AKR1C3: variants seen among roughly 807,000 people sequenced by gnomAD.
The protein encoded by AKR1C3 is aldo-keto reductase family 1 member C3, also known as 3-alpha hydroxysteroid dehydrogenase, type II.
AKR1C3 carries 48 observed loss-of-function variants against 43.6 expected under a neutral mutation model. The ratio of observed to expected loss-of-function variants is 1.10; its 90% CI spans 0.87 to 1.40. AKR1C3 has a LOEUF of 1.40. Ranked by LOEUF, AKR1C3 falls within the 40% of genes most tolerant of loss-of-function variation. The probability of loss-of-function intolerance (pLI) is 0.00; values close to 1 mark genes in which losing one functional copy is unlikely to be tolerated. For missense variants in AKR1C3, 482 were observed against 391.2 expected, an observed-to-expected ratio of 1.23 and a Z score of -1.96; for synonymous variants, 162 against 139.6, an observed-to-expected ratio of 1.16 and a Z score of -1.13.
At chr10:5,094,338 C>A, upstream of AKR1C3, 1 of 1,311,236 alleles carries the variant, frequency 7.6e-7, no homozygotes, top group Non-Finnish European at 1.0e-6. Context: ...ATTGGTTAAC[C>A]ATCAGTCAGT....
chr10:5,059,903 C>T (rs1479956809), intron 1 of AKR1C3, among the ~76,000 whole-genome samples: 5 of 152,006 alleles, frequency 3.3e-5, no homozygotes, highest in African/African-American at 4.8e-5. Context: ...CGCGGACCCT[C>T]GCAGTGAGTG....
chr10:5,065,427 C>T (rs1278288541), intron 1 of AKR1C3, among the ~76,000 whole-genome samples: 1 of 152,100 alleles, frequency 6.6e-6, no homozygotes, highest in Non-Finnish European at 1.5e-5. Flanking sequence ...ACATTTTAAC[C>T]TCCAAGATGA....
At chr10:5,070,511 T>G (rs1367750911) in intron 1 of AKR1C3, among the ~76,000 whole-genome samples, 1 of 152,234 alleles carries the variant, frequency 6.6e-6, no homozygotes, top group Non-Finnish European at 1.5e-5. Flanking sequence ...GTACACACTA[T>G]GTAAATGAAA....
At chr10:5,095,237 T>G (rs1343854537) in intron 1 of AKR1C3, among the ~76,000 whole-genome samples, 6 of 152,108 alleles carry the variant, frequency 3.9e-5, no homozygotes, top group Non-Finnish European at 8.8e-5. Context: ...GAACTTGTAT[T>G]CCAAGACTGT....
chr10:5,094,620 C>G, intron 1 of AKR1C3, 92 bp downstream of exon 1: 1 of 1,410,126 alleles, frequency 7.1e-7, no homozygotes, highest in Non-Finnish European at 9.9e-7. Context: ...GTGTTCCTAC[C>G]TTACTCTGGA....
intron 1 of AKR1C3, among the ~76,000 whole-genome samples, chr10:5,072,222 A>T (rs1838625771): frequency 6.6e-6 from 1 of 152,202 alleles, no homozygotes; most frequent in Non-Finnish European, 1.5e-5. Flanking sequence ...AAGTCAAAAT[A>T]AATGCTTATA....
At chr10:5,071,826 T>G (rs1279425978) in intron 1 of AKR1C3, among the ~76,000 whole-genome samples, 2 of 152,236 alleles carry the variant, frequency 1.3e-5, no homozygotes, top group African/African-American at 4.8e-5. Flanking sequence ...AGCCCCTTCC[T>G]ACTTTTTGTA....
Position 5,085,872 on chromosome 10 carries a change from T to C in AKR1C3, c.85-10538T>C, listed in dbSNP as rs540953287. On this transcript the variant is annotated intron_variant, in intron 1 of 8. Transcript: ENST00000439082. The stretch of plus-strand genomic sequence containing the variant: ...TCTAGTTTATTTGCATAGAGGTGTT[T>C]ACAGTATTCTCTGATGGTAGTTTGT... Among the ~76,000 whole-genome samples the C allele has an allele frequency of 6.3e-4, 96 of 152,076 alleles. 1 individual carries two copies. Among genetic ancestry groups the C allele is most frequent in the Middle Eastern group, 3.4e-3 (1 of 294 alleles).
intron 3 of AKR1C3, 72 bp downstream of exon 3, chr10:5,097,622 AC>A: frequency 6.2e-7 from 1 of 1,607,666 alleles, no homozygotes; most frequent in Admixed American, 1.7e-5. Flanking sequence ...GGATAGTTGA[AC>A]AGAGCTTTTT....
chr10:5,063,601 A>G (rs1838425291), intron 1 of AKR1C3, among the ~76,000 whole-genome samples: 1 of 151,612 alleles, frequency 6.6e-6, no homozygotes, highest in Non-Finnish European at 1.5e-5. Context: ...TTTGAGGCCA[A>G]CATGGTGGAA....
At chr10:5,074,370 A>G (rs1250079106) in intron 1 of AKR1C3, among the ~76,000 whole-genome samples, 1 of 152,212 alleles carries the variant, frequency 6.6e-6, no homozygotes, top group Non-Finnish European at 1.5e-5. Flanking sequence ...ACAAATTTCA[A>G]GATGGCTATT....
At chr10:5,080,720 C>A (rs1407218905) in intron 1 of AKR1C3, 1 of 152,272 alleles carries the variant, frequency 6.6e-6, no homozygotes, top group Admixed American at 6.5e-5. Flanking sequence ...AAGGAAGCCA[C>A]TATCTGTGTC....
intron 1 of AKR1C3, among the ~76,000 whole-genome samples, chr10:5,063,791 G>GAAAAAAAAAAAAAAAA (rs1554780518): frequency 6.6e-3 from 477 of 72,468 alleles, no homozygotes; most frequent in Non-Finnish European, 9.6e-3. Context: ...AAAAAAAAAG[G>GAAAAAAAAAAAAAAAA]AAAATGGCAC....
At chr10:5,092,168 A>G (rs1352994453), upstream of AKR1C3, among the ~76,000 whole-genome samples, 2 of 152,226 alleles carry the variant, frequency 1.3e-5, no homozygotes, top group Middle Eastern at 3.4e-3. Context: ...AACAGAATTT[A>G]TTGTTCTGTA....
intron 1 of AKR1C3, among the ~76,000 whole-genome samples, chr10:5,049,912 C>G (rs543942770): frequency 1.3e-5 from 2 of 152,200 alleles, no homozygotes; most frequent in African/African-American, 4.8e-5. Flanking sequence ...TCTCCTGACT[C>G]CATGGAACTT....
chr10:5,106,665 C>A (rs188176925), intron 8 of AKR1C3, among the ~76,000 whole-genome samples: 1 of 151,444 alleles, frequency 6.6e-6, no homozygotes. Flanking sequence ...GCAGGAGAAT[C>A]GCTTGAACCC....
At chr10:5,078,683 T>C (rs1056607340) in intron 1 of AKR1C3, among the ~76,000 whole-genome samples, 10 of 152,226 alleles carry the variant, frequency 6.6e-5, no homozygotes, top group African/African-American at 2.4e-4. Context: ...CTGGAGGACA[T>C]GCAAGTAATT....
intron 3 of AKR1C3, 83 bp from the exon 4 acceptor site, chr10:5,098,719 G>A: frequency 1.9e-6 from 2 of 1,057,340 alleles, no homozygotes; most frequent in Non-Finnish European, 2.9e-6. Context: ...TGGAGGATTA[G>A]TGTCCTTAAA....
Position 5,102,660 on chromosome 10 carries a change from G to C in AKR1C3, c.846+10G>C, listed in dbSNP as rs200340146. ...CAGACAGAACGTGCAGGTGAGGAGC[G>C]GGGCTGTGGGCCTCAGGTCTCCTGC... On this transcript the variant is annotated intron_variant, in intron 7 of 8. Coordinates refer to ENST00000380554, the MANE Select transcript of AKR1C3 (RefSeq NM_003739.6). The C allele has an allele frequency of 6.9e-7, 1 of 1,453,362 alleles. No individual in the cohort carries two copies. The highest frequency in any genetic ancestry group is 2.8e-5 in the Admixed American group (1 of 36,060). 90.0% of individuals were successfully genotyped at this position (1,453,362 alleles called of 1,614,324 possible).
Sources: allele counts gnomAD v4.1 joint callset (sites outside exome capture counted in the v4.1 genomes callset), GRCh38; gene constraint gnomAD v4.1.1; transcripts MANE v1.5; gene names NCBI Gene and HGNC (gene_info 2026-07-23, HGNC 2026-07-21).